PCDH9: variants seen among roughly 807,000 people sequenced by gnomAD.
PCDH9 encodes the protein protocadherin 9, also known as protocadherin-9.
PCDH9 carries 24 observed loss-of-function variants against 70.6 expected under a neutral mutation model. That is an observed-to-expected ratio of 0.34 (90% CI 0.25 to 0.48). The LOEUF (loss-of-function observed/expected upper bound fraction) is 0.48. Ranked by LOEUF, PCDH9 falls within the 20% of genes least tolerant of loss-of-function variation. The pLI, the probability that PCDH9 is intolerant of heterozygous loss-of-function variation, is 0.99. For synonymous variants in PCDH9, 562 were observed against 558.5 expected, an observed-to-expected ratio of 1.01 and a Z score of -0.09; for missense variants, 1,281 against 1,503.6, an observed-to-expected ratio of 0.85 and a Z score of 2.45.
In PCDH9 at chr13:67,066,291, T is replaced by G. The variant is rs1397256935; in HGVS notation, c.3036+159114A>C. On this transcript the variant is annotated intron_variant, in intron 2 of 4. Transcript: ENST00000377865. ...TCTTGTTGCCCAGGCTGGAGTGCAA[T>G]GGCACCATCTCGGCTCACTGCAACC... 1.1e-4 allele frequency among the ~76,000 whole-genome samples: 17 copies of G among 152,218 alleles called. No homozygotes were observed. In the East Asian group the frequency reaches 3.1e-3, roughly 28 times the overall value.
chr13:66,730,887 G>GTTTTTT (rs1303010293), intron 3 of PCDH9, among the ~76,000 whole-genome samples: 3 of 60,770 alleles, frequency 4.9e-5, no homozygotes, highest in African/African-American at 1.9e-4. Context: ...TTTTTTTTTT[G>GTTTTTT]TTTGTTTCTT....
Position 67,213,206 on chromosome 13 carries a change from C to CAAAAAAAAAAAAAAAAAAAAAAAAAAA in PCDH9, c.3036+12172_3036+12198dup, listed in dbSNP as rs34813503. 1.9e-4 allele frequency: 4 copies of CAAAAAAAAAAAAAAAAAAAAAAAAAAA among 20,544 alleles called. 2 individuals carry two copies. Among genetic ancestry groups the CAAAAAAAAAAAAAAAAAAAAAAAAAAA allele is most frequent in the African/African-American group, 6.8e-4 (4 of 5,886 alleles). 1.3% of individuals were successfully genotyped at this position (20,544 alleles called of 1,614,324 possible). Reference sequence around the variant, plus strand: ...AGCCTGGACGACAGAGACTCCGTCACAAAAAAAAAAAAAAAAAAAAAAAAA... The same window carrying CAAAAAAAAAAAAAAAAAAAAAAAAAAA: ...AGCCTGGACGACAGAGACTCCGTCACAAAAAAAAAAAAAAAAAAAAAAAAAAAAAAAAAAAAAAAAAAAAAAAAAAAA... On this transcript the variant is annotated intron_variant, in intron 2 of 4. Transcript: ENST00000377865.
intron 3 of PCDH9, among the ~76,000 whole-genome samples, chr13:66,740,695 AG>A (rs766634441): frequency 4.3e-4 from 65 of 152,076 alleles, no homozygotes; most frequent in East Asian, 3.9e-3. Context: ...AACTACCATC[AG>A]AGAATACTAC....
intron 3 of PCDH9, among the ~76,000 whole-genome samples, chr13:66,683,389 A>G (rs182319090): frequency 6.6e-6 from 1 of 152,166 alleles, no homozygotes; most frequent in Non-Finnish European, 1.5e-5. Flanking sequence ...AGTTACAGCA[A>G]CATTGAGAGA....
In PCDH9 at chr13:66,303,518, A is replaced by G. The variant is rs1035560455; in HGVS notation, c.*1137T>C. 2.0e-5 allele frequency: 3 copies of G among 152,532 alleles called. No individual in the cohort carries two copies. The highest frequency in any genetic ancestry group is 7.2e-5 in the African/African-American group (3 of 41,440). The allele number at this position is 152,532 out of a possible 1,614,324, so 9.4% of individuals were successfully genotyped here. A position where few individuals can be genotyped will look rare whatever the true frequency, so the allele number is the denominator to read the frequency against. On this transcript the variant is annotated 3_prime_UTR_variant, in exon 5 of 5. Transcript: ENST00000377865. The stretch of plus-strand genomic sequence containing the variant: ...ATGGTCTAATAACACTTGTGTTACA[A>G]CAACATTATTGTATATGAGGATCAA...
chr13:66,668,661 C>T (rs569111982), intron 3 of PCDH9, among the ~76,000 whole-genome samples: 4 of 152,210 alleles, frequency 2.6e-5, no homozygotes, highest in South Asian at 4.2e-4. Context: ...ACCGAGAGAG[C>T]CCTCTAAAAA....
intron 2 of PCDH9, among the ~76,000 whole-genome samples, chr13:67,010,298 T>C (rs2084429080): frequency 6.6e-6 from 1 of 151,922 alleles, no homozygotes; most frequent in African/African-American, 2.4e-5. Flanking sequence ...ACTACAGGAC[T>C]CCAAAGCCTT....
chr13:66,363,185 T>A (rs2138197913), intron 4 of PCDH9, among the ~76,000 whole-genome samples: 1 of 152,162 alleles, frequency 6.6e-6, no homozygotes, highest in African/African-American at 2.4e-5. Flanking sequence ...TCTCAAAAAA[T>A]AAAGAAAAAG....
rs779514058 is a variant in PCDH9 at position 66,903,596 on chromosome 13, G to C, written c.3046C>G (p.His1016Asp). The C allele has an allele frequency of 1.4e-6, 2 of 1,468,038 alleles. No individual in the cohort carries two copies. Among genetic ancestry groups the C allele is most frequent in the Non-Finnish European group, 1.9e-6 (2 of 1,049,114 alleles). The allele number at this position is 1,468,038 out of a possible 1,614,324, so 90.9% of individuals were successfully genotyped here. Reference sequence around the variant, plus strand: ...ACAGGAATATTGTCACTTTTGCTGTGTGAGTTACACTGAAAGAGATTACCA... The same window carrying C: ...ACAGGAATATTGTCACTTTTGCTGTCTGAGTTACACTGAAAGAGATTACCA... ...GPLHTRQCNS[H>D]SKSDNIPVTP... The change falls in exon 3 of 5, where the codon CAC (histidine) becomes GAC (aspartate). Residue 1016 changes from histidine (H) to aspartate (D), a missense_variant. His to Asp is a moderately conservative substitution (Grantham distance 81). Transcript: ENST00000377865.
chr13:66,681,852 T>A (rs2078324830), intron 3 of PCDH9, among the ~76,000 whole-genome samples: 1 of 151,536 alleles, frequency 6.6e-6, no homozygotes, highest in Non-Finnish European at 1.5e-5. Flanking sequence ...GTGCAATGCC[T>A]GGCATAGACT....
intron 4 of PCDH9, among the ~76,000 whole-genome samples, chr13:66,331,592 A>G (rs1328315170): frequency 6.6e-6 from 1 of 152,150 alleles, no homozygotes; most frequent in Non-Finnish European, 1.5e-5. Flanking sequence ...TAATGAGAAA[A>G]ATTATTGAAA....
intron 3 of PCDH9, among the ~76,000 whole-genome samples, chr13:66,729,173 T>G (rs2139170188): frequency 6.6e-6 from 1 of 152,222 alleles, no homozygotes; most frequent in East Asian, 1.9e-4. Flanking sequence ...AATTTGTTCC[T>G]CTTCTTGTGT....
intron 2 of PCDH9, chr13:67,204,162 A>T (rs1166320932): frequency 1.3e-5 from 2 of 152,242 alleles, no homozygotes; most frequent in African/African-American, 4.8e-5. Flanking sequence ...TTCTCTAAAC[A>T]GTTTTAAGAG....
chr13:67,082,620 T>C (rs2086007796), intron 2 of PCDH9, among the ~76,000 whole-genome samples: 1 of 152,218 alleles, frequency 6.6e-6, no homozygotes, highest in African/African-American at 2.4e-5. Flanking sequence ...AATATGTCTC[T>C]GAATTGTGGT....
intron 4 of PCDH9, among the ~76,000 whole-genome samples, chr13:66,610,685 T>A (rs2077283423): frequency 6.6e-6 from 1 of 152,202 alleles, no homozygotes. Context: ...AGGTATTCTG[T>A]AGCTATTTCT....
intron 2 of PCDH9, among the ~76,000 whole-genome samples, chr13:67,136,709 A>C (rs1223387739): frequency 6.6e-6 from 1 of 152,124 alleles, no homozygotes; most frequent in Non-Finnish European, 1.5e-5. Context: ...TTAATTTTAT[A>C]TTTTACAAAT....
intron 2 of PCDH9, among the ~76,000 whole-genome samples, chr13:67,112,093 A>G (rs1231285820): frequency 6.6e-6 from 1 of 152,178 alleles, no homozygotes; most frequent in East Asian, 1.9e-4. Flanking sequence ...TCTGCACTTG[A>G]GTTCCGACTG....
intron 4 of PCDH9, among the ~76,000 whole-genome samples, chr13:66,570,065 C>T (rs2076711154): frequency 6.6e-6 from 1 of 152,096 alleles, no homozygotes; most frequent in South Asian, 2.1e-4. Flanking sequence ...CCATGGAATT[C>T]TATGCACCAA....
chr13:66,337,252 C>T (rs1269103354), intron 4 of PCDH9, among the ~76,000 whole-genome samples: 2 of 151,968 alleles, frequency 1.3e-5, no homozygotes, highest in Non-Finnish European at 2.9e-5. Flanking sequence ...AATTATAAAA[C>T]TTTCCATTCA....
Sources: allele counts gnomAD v4.1 joint callset (sites outside exome capture counted in the v4.1 genomes callset), GRCh38; gene constraint gnomAD v4.1.1; transcripts MANE v1.5; gene names NCBI Gene and HGNC (gene_info 2026-07-23, HGNC 2026-07-21).